The following CEP295 variants were observed in gnomAD, a reference collection of about 807,000 sequenced individuals.
The protein encoded by CEP295 is centrosomal protein of 295 kDa.
A neutral mutation model predicts 291.6 loss-of-function variants in CEP295; 190 were observed. The observed-to-expected ratio is 0.65, with a 90% CI of 0.58 to 0.73. The LOEUF (loss-of-function observed/expected upper bound fraction) is 0.73, where lower values mean the gene tolerates loss of function less well. Ranked by LOEUF, CEP295 falls within the 30% of genes least tolerant of loss-of-function variation. The pLI is 0.00. For missense variants in CEP295, 2,863 were observed against 2,949.4 expected, an observed-to-expected ratio of 0.97 and a Z score of 0.68; for synonymous variants, 993 against 1,038.8, an observed-to-expected ratio of 0.96 and a Z score of 0.85.
intron 1 of CEP295, among the ~76,000 whole-genome samples, chr11:93,664,233 A>G (rs1012923254): frequency 6.6e-6 from 1 of 152,134 alleles, no homozygotes; most frequent in African/African-American, 2.4e-5. Context: ...TCTTTGTTAA[A>G]TTTTCTGTTT....
In CEP295 at chr11:93,671,771, A is replaced by G. The variant is rs7952323; in HGVS notation, c.528+2001A>G. On this transcript the variant is annotated intron_variant, in intron 5 of 29. Coordinates refer to ENST00000325212, the MANE Select transcript of CEP295 (RefSeq NM_033395.2). The stretch of plus-strand genomic sequence containing the variant: ...TGTGGGGTATTTGGGGGCCAGGGAA[A>G]TGCACCATATAAGAATATTGTGTCA... Among the ~76,000 whole-genome samples the G allele has an allele frequency of 4.7e-3, 716 of 152,238 alleles. 6 individuals are homozygous for G. The highest frequency in any genetic ancestry group is 0.015 in the African/African-American group (639 of 41,546).
At position 93,728,685 on chromosome 11, in the gene CEP295, C is replaced by G. The variant is rs1005810031; in HGVS notation, c.7166C>G (p.Thr2389Arg). The G allele has an allele frequency of 8.5e-6, 13 of 1,530,508 alleles. No homozygotes were observed. The African/African-American group carries it at 1.1e-4, about 13-fold the overall frequency. The allele number at this position is 1,530,508 out of a possible 1,614,324, so 94.8% of individuals were successfully genotyped here. The part of the protein sequence containing the change: ...SLQSSIPVWE[T>R]ETGHGIMEEP... ...CCTTTTAATTGTGGTTCACAGGAAA[C>G]AGAAACTGGCCATGGTATAATGGAA... The change falls in exon 25 of 30, where the codon ACA becomes AGA. Residue 2389 changes from threonine to arginine, a missense_variant. This residue lies in a region of CEP295 where 2,295 missense variants were observed against 2,335.7 expected (regional missense o/e 0.98). Transcript: ENST00000325212.
intron 16 of CEP295, 63 bp downstream of exon 16, chr11:93,702,700 G>C: frequency 6.5e-7 from 1 of 1,532,198 alleles, no homozygotes; most frequent in Non-Finnish European, 8.8e-7. Flanking sequence ...GTCCCCTGTA[G>C]CTTGCTAGTT....
intron 7 of CEP295, among the ~76,000 whole-genome samples, chr11:93,682,601 A>C (rs910133088): frequency 6.6e-6 from 1 of 152,130 alleles, no homozygotes; most frequent in African/African-American, 2.4e-5. Context: ...GTTGTTAAAA[A>C]AAAAAACCGT....
In CEP295 at chr11:93,726,994, A is replaced by G; in HGVS notation, c.6518A>G (p.Glu2173Gly). 1.3e-6 allele frequency: 2 copies of G among 1,521,218 alleles called. No individual in the cohort carries two copies. Among genetic ancestry groups the G allele is most frequent in the Non-Finnish European group, 1.8e-6 (2 of 1,135,636 alleles). The allele number at this position is 1,521,218 out of a possible 1,614,324, so 94.2% of individuals were successfully genotyped here. Residue 2173 changes from glutamate (E) to glycine (G), a missense_variant, in exon 24 of 30, where the codon GAA becomes GGA. Glu to Gly is a moderately conservative substitution (Grantham distance 98). This residue lies in a region of CEP295 where 2,295 missense variants were observed against 2,335.7 expected (regional missense o/e 0.98). Transcript: ENST00000325212. ...NIIGGSEQCF[E>G]QLQPEYSSQE... ...AATGCAGGATCTGAACAATGTTTTG[A>G]ACAGCTTCAGCCAGAATATTCTTCA...
At chr11:93,665,068 G>C (rs185191896) in intron 1 of CEP295, among the ~76,000 whole-genome samples, 3 of 152,290 alleles carry the variant, frequency 2.0e-5, no homozygotes, top group Non-Finnish European at 4.4e-5. Context: ...AATTGCAACA[G>C]GAATTATCAG....
At chr11:93,693,890 GAATAA>G (rs1951722601) in intron 12 of CEP295, among the ~76,000 whole-genome samples, 1 of 152,228 alleles carries the variant, frequency 6.6e-6, no homozygotes, top group African/African-American at 2.4e-5. Context: ...ATGGGCTGTT[GAATAA>G]AATAGTGTAA....
chr11:93,730,321 C>A lies in CEP295; in HGVS notation c.*52C>A. The A allele has an allele frequency of 8.1e-7, 1 of 1,239,642 alleles. No homozygotes were observed. The highest frequency in any genetic ancestry group is 1.2e-6 in the Non-Finnish European group (1 of 868,080). The allele number at this position is 1,239,642 out of a possible 1,614,324, so 76.8% of individuals were successfully genotyped here. On this transcript the variant is annotated 3_prime_UTR_variant, in exon 30 of 30. Coordinates refer to ENST00000325212, the MANE Select transcript of CEP295 (RefSeq NM_033395.2). ...TTAATTGTGTATATGTAGCATTAGA[C>A]AAAATTATTTAAAGTCAATAAATTG...
intron 20 of CEP295, chr11:93,722,835 C>T (rs1036448319): frequency 1.9e-5 from 8 of 421,206 alleles, no homozygotes; most frequent in South Asian, 9.3e-5. Context: ...TCGGCTCTCC[C>T]GAGTAGCTGG....
At chr11:93,707,135 A>C (rs7109236) in intron 18 of CEP295, among the ~76,000 whole-genome samples, 1 of 152,106 alleles carries the variant, frequency 6.6e-6, no homozygotes, top group Non-Finnish European at 1.5e-5. Flanking sequence ...GTTTTATACA[A>C]TTGGCAGCAT....
At chr11:93,721,802 A>G (rs770080214) in intron 19 of CEP295, 152 bp from the exon 20 acceptor site, 5 of 723,554 alleles carry the variant, frequency 6.9e-6, no homozygotes, top group African/African-American at 1.7e-5. Context: ...TTTCTGGGCA[A>G]TGATGAAAAG....
Position 93,698,292 on chromosome 11 carries a change from A to T in CEP295, c.3380A>T (p.Tyr1127Phe). The T allele has an allele frequency of 6.4e-7, 1 of 1,551,878 alleles. No homozygotes were observed. Among genetic ancestry groups the T allele is most frequent in the African/African-American group, 1.4e-5 (1 of 73,168 alleles). The part of the protein sequence containing the change: ...KAEPRRIQEL[Y>F]LSEKENVGPS... ...GAGCCTAGGAGAATTCAGGAGCTTT[A>T]TTTATCTGAGAAGGAGAATGTAGGT... is the stretch of plus-strand genomic sequence containing the variant. Residue 1127 changes from tyrosine (Y) to phenylalanine (F), a missense_variant, in exon 15 of 30, where the codon TAT becomes TTT. Transcript: ENST00000325212.
At chr11:93,689,717 C>A (rs545458323) in intron 10 of CEP295, among the ~76,000 whole-genome samples, 1 of 152,218 alleles carries the variant, frequency 6.6e-6, no homozygotes, top group East Asian at 1.9e-4. Flanking sequence ...GCTTATTTTG[C>A]TTATTATCTT....
chr11:93,706,658 G>A, intron 17 of CEP295, 87 bp from the exon 18 acceptor site: 2 of 1,172,136 alleles, frequency 1.7e-6, no homozygotes, highest in Non-Finnish European at 2.4e-6. Flanking sequence ...TAAGAGCTTA[G>A]ATTTCTACCC....
chr11:93,708,766 AC>A (rs1353515397), intron 18 of CEP295, among the ~76,000 whole-genome samples: 1 of 152,178 alleles, frequency 6.6e-6, no homozygotes, highest in Non-Finnish European at 1.5e-5. Context: ...TTACATTCCC[AC>A]CAACGGTGTT....
intron 12 of CEP295, among the ~76,000 whole-genome samples, chr11:93,694,199 A>G (rs1951736445): frequency 6.6e-6 from 1 of 152,236 alleles, no homozygotes; most frequent in South Asian, 2.1e-4. Context: ...TCTTTATATA[A>G]GAAAACAACG....
chr11:93,695,373 CACTT>C, intron 12 of CEP295, 120 bp from the exon 13 acceptor site: 1 of 564,900 alleles, frequency 1.8e-6, no homozygotes, highest in Non-Finnish European at 2.9e-6. Flanking sequence ...AAAGCATCAA[CACTT>C]ACTTCTTTGA....
intron 21 of CEP295, chr11:93,724,051 C>T: frequency 2.6e-6 from 1 of 379,872 alleles, no homozygotes; most frequent in East Asian, 4.6e-5. Context: ...ATATTTTGGA[C>T]CTTTGAAATA....
At chr11:93,691,114 T>C (rs1423489621) in intron 10 of CEP295, among the ~76,000 whole-genome samples, 1 of 152,258 alleles carries the variant, frequency 6.6e-6, no homozygotes, top group East Asian at 1.9e-4. Flanking sequence ...AATTATAAGA[T>C]GGTTCTGCCA....
Sources: allele counts gnomAD v4.1 joint callset (sites outside exome capture counted in the v4.1 genomes callset), GRCh38; gene constraint gnomAD v4.1.1; regional missense constraint gnomAD v4.1.1; transcripts MANE v1.5; gene names NCBI Gene and HGNC (gene_info 2026-07-23, HGNC 2026-07-21).